The following PIEZO2 variants were observed in gnomAD, a reference collection of about 807,000 sequenced individuals.
The protein encoded by PIEZO2 is piezo type mechanosensitive ion channel component 2.
In PIEZO2, 172 loss-of-function variants were observed where a neutral mutation model predicts 337.3. The ratio of observed to expected loss-of-function variants is 0.51; its 90% CI spans 0.45 to 0.58. PIEZO2 has a LOEUF of 0.58. Ranked by LOEUF, PIEZO2 falls within the 20% of genes least tolerant of loss-of-function variation. PIEZO2 has a pLI of 0.00. For missense variants in PIEZO2, 3,028 were observed against 3,391.3 expected (o/e 0.89, Z 2.66); for synonymous variants, 1,251 against 1,228.5 (o/e 1.02, Z -0.38).
At chr18:10,927,940 G>C (rs2031846039) in intron 3 of PIEZO2, among the ~76,000 whole-genome samples, 1 of 151,982 alleles carries the variant, frequency 6.6e-6, no homozygotes, top group Non-Finnish European at 1.5e-5. Flanking sequence ...AAGAGGGCAG[G>C]AGACCAAACC....
Position 11,105,274 on chromosome 18 carries a change from C to A in PIEZO2, c.65-39052G>T, listed in dbSNP as rs1422376460. Among the ~76,000 whole-genome samples, 2 of 152,174 alleles carry A rather than the reference C, an allele frequency of 1.3e-5. No individual in the cohort carries two copies. Among genetic ancestry groups the A allele is most frequent in the East Asian group, 1.9e-4 (1 of 5,188 alleles). On this transcript the variant is annotated intron_variant, in intron 1 of 55. Transcript: ENST00000674853. This position sits in a 1 kb window ranked among gnomAD's most constrained non-coding sequence, Gnocchi z 4.3. ...AAGACTGCAAACCAATATGGACTCA[C>A]AACGCCCATTTGACACACTCAGTGC...
Position 10,947,858 on chromosome 18 carries a change from T to C in PIEZO2, c.286+31677A>G, listed in dbSNP as rs187409217. 2.0e-3 allele frequency among the ~76,000 whole-genome samples: 299 copies of C among 152,282 alleles called. 1 individual carries two copies. The highest frequency in any genetic ancestry group is 7.0e-3 in the African/African-American group (292 of 41,566). ...GAAATGCTAGTATACTATTGCAAAG[T>C]TCATAATAAATGAAGTGGTTTAGTA... On this transcript the variant is annotated intron_variant, in intron 3 of 55. Coordinates refer to ENST00000674853, the MANE Select transcript of PIEZO2 (RefSeq NM_001378183.1).
chr18:10,737,285 G>GA (rs372133058), intron 33 of PIEZO2, among the ~76,000 whole-genome samples: 2,329 of 64,030 alleles, frequency 0.036, 29 homozygotes, highest in Non-Finnish European at 0.037. Flanking sequence ...CAAGACATTT[G>GA]AAAAAAAAAA....
At chr18:10,934,682 T>TGTGTGTGTGTGTGTGTGTGTGTGTGTG (rs57395445) in intron 3 of PIEZO2, among the ~76,000 whole-genome samples, 1 of 143,002 alleles carries the variant, frequency 7.0e-6, no homozygotes, top group African/African-American at 2.6e-5. Flanking sequence ...TGTGTGTGTG[T>TGTGTGTGTGTGTGTGTGTGTGTGTGTG]TGGGCTCCTT....
At position 10,859,390 on chromosome 18, in the gene PIEZO2, C is replaced by A. The variant is rs1328902873; in HGVS notation, c.493-2179G>T. Among the ~76,000 whole-genome samples the A allele has an allele frequency of 6.6e-6, 1 of 152,230 alleles. No individual in the cohort carries two copies. The highest frequency in any genetic ancestry group is 1.5e-5 in the Non-Finnish European group (1 of 68,028). On this transcript the variant is annotated intron_variant, in intron 5 of 55. Coordinates refer to ENST00000674853, the MANE Select transcript of PIEZO2 (RefSeq NM_001378183.1). This position sits in a 1 kb window ranked among gnomAD's most constrained non-coding sequence, Gnocchi z 4.9. ...GAGCTGCCAGCTCCAGCCAGTACAT[C>A]AGACCACTCACCTGCAGCTGGCCTG...
chr18:10,979,604 G>A lies in PIEZO2; in HGVS notation c.217C>T (p.Leu73=). 1 of 1,536,210 alleles carries A rather than the reference G, an allele frequency of 6.5e-7. No homozygotes were observed. The highest frequency in any genetic ancestry group is 8.7e-7 in the Non-Finnish European group (1 of 1,146,120). The change falls in exon 3 of 56, where the codon CTG becomes TTG. Residue 73 remains leucine, a synonymous_variant. Coordinates refer to ENST00000674853, the MANE Select transcript of PIEZO2 (RefSeq NM_001378183.1). The surrounding 1 kb of genome is among the most constrained non-coding windows in gnomAD (Gnocchi z 4.0). ...LCFISLSFLL[L]HIIFHITLVS... Reference sequence around the variant, plus strand: ...AACGTGATGTGGAAAATGATGTGCAGCAACAGGAAGGAAAGACTGATGAAG... The same window carrying A: ...AACGTGATGTGGAAAATGATGTGCAACAACAGGAAGGAAAGACTGATGAAG...
chr18:10,863,393 A>T lies in PIEZO2; in HGVS notation c.493-6182T>A, dbSNP rs1373817914. On this transcript the variant is annotated intron_variant, in intron 5 of 55. Coordinates refer to ENST00000674853, the MANE Select transcript of PIEZO2 (RefSeq NM_001378183.1). This position sits in a 1 kb window ranked among gnomAD's most constrained non-coding sequence, Gnocchi z 4.3. The stretch of plus-strand genomic sequence containing the variant: ...ATTCTGTTGCTACATTTGTTTTGGG[A>T]AGATTATTCTTCCAAACTCCTAAGA... Among the ~76,000 whole-genome samples the T allele has an allele frequency of 6.6e-6, 1 of 152,192 alleles. No homozygotes were observed. The highest frequency in any genetic ancestry group is 2.4e-5 in the African/African-American group (1 of 41,444).
chr18:10,991,309 C>T (rs1423188551), intron 2 of PIEZO2, among the ~76,000 whole-genome samples: 1 of 151,616 alleles, frequency 6.6e-6, no homozygotes, highest in Non-Finnish European at 1.5e-5. Flanking sequence ...TATACATGTG[C>T]CATGGTGGTT....
chr18:10,745,736 C>G (rs569566174), intron 30 of PIEZO2, among the ~76,000 whole-genome samples: 2 of 152,032 alleles, frequency 1.3e-5, no homozygotes, highest in Non-Finnish European at 2.9e-5. Context: ...TCTCACACCC[C>G]CTCTCAGCAG....
intron 18 of PIEZO2, among the ~76,000 whole-genome samples, chr18:10,776,788 G>C (rs918263503): frequency 6.6e-6 from 1 of 152,092 alleles, no homozygotes; most frequent in Non-Finnish European, 1.5e-5. Flanking sequence ...GGGAAAGCCT[G>C]TGTATTTTAA....
At chr18:10,720,806 T>C (rs1033138986) in intron 36 of PIEZO2, among the ~76,000 whole-genome samples, 9 of 152,020 alleles carry the variant, frequency 5.9e-5, no homozygotes, top group African/African-American at 2.2e-4. Context: ...ACTCCAAGAA[T>C]CTTCTCAAAC....
chr18:10,690,615 C>T (rs2034773665), intron 48 of PIEZO2, among the ~76,000 whole-genome samples: 1 of 152,228 alleles, frequency 6.6e-6, no homozygotes, highest in Non-Finnish European at 1.5e-5. Context: ...CCTCTTCTGT[C>T]TGGTGCTGAG....
At chr18:10,938,102 A>T (rs2032506672) in intron 3 of PIEZO2, among the ~76,000 whole-genome samples, 1 of 152,090 alleles carries the variant, frequency 6.6e-6, no homozygotes, top group Non-Finnish European at 1.5e-5. Context: ...ATTCAATTCC[A>T]CTCTAATTCA....
intron 43 of PIEZO2, among the ~76,000 whole-genome samples, chr18:10,700,141 A>G (rs1387979714): frequency 1.3e-5 from 2 of 152,198 alleles, no homozygotes; most frequent in Non-Finnish European, 2.9e-5. Context: ...CTATTATTTT[A>G]AGAGTTGTTT....
intron 3 of PIEZO2, among the ~76,000 whole-genome samples, chr18:10,961,074 G>A (rs182668953): frequency 6.5e-4 from 99 of 152,116 alleles, no homozygotes; most frequent in African/African-American, 2.1e-3. Flanking sequence ...CCAGCTACTC[G>A]GGAGGCTGAG....
intron 7 of PIEZO2, among the ~76,000 whole-genome samples, chr18:10,840,151 G>A (rs148260439): frequency 4.0e-4 from 61 of 152,290 alleles, no homozygotes; most frequent in African/African-American, 1.4e-3. Context: ...ATATTTTAAT[G>A]TGTAACATGT....
At chr18:11,051,208 T>C (rs1401951499) in intron 2 of PIEZO2, among the ~76,000 whole-genome samples, 1 of 152,162 alleles carries the variant, frequency 6.6e-6, no homozygotes, top group African/African-American at 2.4e-5. Context: ...GGTTTTGTCC[T>C]CATCTATTAC....
At position 10,789,338 on chromosome 18, in the gene PIEZO2, T is replaced by C; in HGVS notation, c.1910A>G (p.Glu637Gly). The change falls in exon 15 of 56, where the codon GAA becomes GGA. Residue 637 changes from glutamate (E) to glycine (G), a missense_variant. Physicochemically the swap from Glu to Gly is moderately conservative, Grantham distance 98. Around this residue, in one of 5 missense-constraint regions of PIEZO2, gnomAD observed 1,925 missense variants for 2,051.9 expected, o/e 0.94. Transcript: ENST00000674853. ...KDEELQDIQV[E>G]GEPKEEEEEE... is the part of the protein sequence containing the mutation. ...TTCTTCCTCCTCTTTGGGCTCTCCT[T>C]CCACTTGTATATCTTGAAGTTCCTC... The C allele has an allele frequency of 1.3e-6, 2 of 1,536,946 alleles. No individual in the cohort carries two copies. Among genetic ancestry groups the C allele is most frequent in the Non-Finnish European group, 1.7e-6 (2 of 1,146,800 alleles).
chr18:11,133,382 C>A (rs1417696160), intron 1 of PIEZO2, among the ~76,000 whole-genome samples: 2 of 152,002 alleles, frequency 1.3e-5, no homozygotes, highest in African/African-American at 4.8e-5. Flanking sequence ...TGTATGGGTT[C>A]AAGTTGACAA....
Sources: allele counts gnomAD v4.1 joint callset (sites outside exome capture counted in the v4.1 genomes callset), GRCh38; gene constraint gnomAD v4.1.1; regional missense constraint gnomAD v4.1.1; non-coding constraint Gnocchi (gnomAD v3.1); transcripts MANE v1.5; gene names NCBI Gene and HGNC (gene_info 2026-07-23, HGNC 2026-07-21).